XRCC4: variants seen among roughly 807,000 people sequenced by gnomAD.
The protein encoded by XRCC4 is DNA repair protein XRCC4.
A neutral mutation model predicts 39.1 loss-of-function variants in XRCC4; 28 were observed. The observed-to-expected ratio is 0.72, with a 90% CI of 0.53 to 0.98. XRCC4 has a LOEUF of 0.98. Among genes scored for constraint, XRCC4 ranks in the 50% least tolerant of loss-of-function variants. XRCC4 has a pLI of 0.00. For missense variants in XRCC4, 350 were observed against 376.4 expected (o/e 0.93, Z 0.58); for synonymous variants, 123 against 126.4 (o/e 0.97, Z 0.18).
chr5:83,086,053 A>G (rs949392977), intron 1 of XRCC4, among the ~76,000 whole-genome samples: 1 of 152,254 alleles, frequency 6.6e-6, no homozygotes, highest in Non-Finnish European at 1.5e-5. Context: ...TCTTAAGAAC[A>G]TAAAACATGG....
intron 3 of XRCC4, among the ~76,000 whole-genome samples, chr5:83,113,816 C>T (rs1001875232): frequency 2.2e-4 from 33 of 152,004 alleles, no homozygotes; most frequent in African/African-American, 7.2e-4. Flanking sequence ...TTAGTAGAGA[C>T]GGGGTTTCAC....
the XRCC4 span, among the ~76,000 whole-genome samples, chr5:83,373,608 C>T: frequency 9.2e-4 from 140 of 152,294 alleles, 1 homozygote; most frequent in Middle Eastern, 3.4e-3. Context: ...GAGAAATTGA[C>T]TTCTTTATGA....
At chr5:83,337,109 A>G (rs927479668) in intron 7 of XRCC4, among the ~76,000 whole-genome samples, 2 of 152,194 alleles carry the variant, frequency 1.3e-5, no homozygotes, top group Non-Finnish European at 2.9e-5. Flanking sequence ...GAAACTTGCT[A>G]TAGCTTTTTT....
At chr5:83,118,309 T>C (rs1352218770) in intron 3 of XRCC4, among the ~76,000 whole-genome samples, 2 of 152,058 alleles carry the variant, frequency 1.3e-5, no homozygotes, top group Non-Finnish European at 2.9e-5. Flanking sequence ...CTTTTTTTTT[T>C]TTCTTTAATT....
intron 3 of XRCC4, among the ~76,000 whole-genome samples, chr5:83,182,136 G>A (rs10078661): frequency 0.33 from 50,229 of 151,936 alleles, 9,109 homozygotes; most frequent in Non-Finnish European, 0.41. Flanking sequence ...AAAACCAGGT[G>A]ATATTAATGA....
intron 3 of XRCC4, among the ~76,000 whole-genome samples, chr5:83,185,685 A>T (rs1180052371): frequency 1.3e-5 from 2 of 152,016 alleles, no homozygotes. Flanking sequence ...TGGTAAATGG[A>T]TAGAAACTAA....
intron 7 of XRCC4, among the ~76,000 whole-genome samples, chr5:83,335,784 CTAAG>C (rs1414547273): frequency 6.6e-6 from 1 of 151,984 alleles, no homozygotes; most frequent in African/African-American, 2.4e-5. Flanking sequence ...ATATCATAGA[CTAAG>C]TAGTCTTTAT....
intron 1 of XRCC4, chr5:83,078,008 T>C (rs1471541363): frequency 6.6e-6 from 1 of 152,276 alleles, no homozygotes; most frequent in Admixed American, 6.5e-5. Flanking sequence ...TCCCCAGATA[T>C]TGGTAAACTG....
At chr5:83,117,675 A>G (rs1027120845) in intron 3 of XRCC4, among the ~76,000 whole-genome samples, 34 of 130,916 alleles carry the variant, frequency 2.6e-4, no homozygotes, top group Non-Finnish European at 4.6e-4. Flanking sequence ...GTGTGTGTGT[A>G]TGTATGTATA....
intron 7 of XRCC4, among the ~76,000 whole-genome samples, chr5:83,338,220 A>G (rs1052850814): frequency 1.3e-5 from 2 of 152,234 alleles, no homozygotes; most frequent in Non-Finnish European, 1.5e-5. Context: ...GTAATAATCA[A>G]TTTGCCTTGT....
chr5:83,095,040 CCTTTTCCAG>C (rs1162472429), intron 1 of XRCC4, among the ~76,000 whole-genome samples: 1 of 152,112 alleles, frequency 6.6e-6, no homozygotes, highest in African/African-American at 2.4e-5. Context: ...GAGACAACCA[CCTTTTCCAG>C]CTTTTACAGG....
chr5:83,088,905 C>A (rs1377049011), intron 1 of XRCC4, among the ~76,000 whole-genome samples: 4 of 152,246 alleles, frequency 2.6e-5, no homozygotes, highest in African/African-American at 7.2e-5. Context: ...ATTTCAGAAT[C>A]CTTTGAAGAA....
At chr5:83,181,913 T>A (rs1324950571) in intron 3 of XRCC4, among the ~76,000 whole-genome samples, 3 of 152,182 alleles carry the variant, frequency 2.0e-5, no homozygotes, top group Admixed American at 2.0e-4. Context: ...GTGGGGTTGC[T>A]GCCTATCGAT....
chr5:83,179,872 T>C (rs1467640302), intron 3 of XRCC4, among the ~76,000 whole-genome samples: 2 of 152,136 alleles, frequency 1.3e-5, no homozygotes, highest in East Asian at 3.9e-4. Flanking sequence ...TAATAGAATA[T>C]AGATAAGAGT....
chr5:83,133,471 G>C (rs6452522), intron 3 of XRCC4, among the ~76,000 whole-genome samples: 3 of 152,000 alleles, frequency 2.0e-5, no homozygotes, highest in Non-Finnish European at 2.9e-5. Flanking sequence ...TGTTTAGCTA[G>C]GCCCTGCCCC....
chr5:83,187,076 C>T lies in XRCC4; in HGVS notation c.316-8694C>T, dbSNP rs1212275613. ...CTCCTGCCTCAGCCTCCCGAGTAGCCGGGACCACAGGCGCCCGCCACCACG... is the reference window on the plus strand; with the variant it reads ...CTCCTGCCTCAGCCTCCCGAGTAGCTGGGACCACAGGCGCCCGCCACCACG... On this transcript the variant is annotated intron_variant, in intron 3 of 7. Coordinates refer to ENST00000396027, the MANE Select transcript of XRCC4 (RefSeq NM_003401.5). 5.7e-5 allele frequency among the ~76,000 whole-genome samples: 6 copies of T among 105,640 alleles called. 2 individuals carry two copies. The highest frequency in any genetic ancestry group is 1.7e-4 in the Admixed American group (2 of 12,052). The allele number at this position is 105,640 out of a possible 152,430, so 69.3% of individuals were successfully genotyped here. A position where few individuals can be genotyped will look rare whatever the true frequency, so the allele number is the denominator to read the frequency against.
At chr5:83,323,456 C>T (rs1756142458) in intron 7 of XRCC4, among the ~76,000 whole-genome samples, 2 of 151,920 alleles carry the variant, frequency 1.3e-5, no homozygotes, top group African/African-American at 4.8e-5. Flanking sequence ...GTTAATTAAA[C>T]CATATCAACA....
chr5:83,291,922 T>C (rs1754932334), intron 7 of XRCC4, among the ~76,000 whole-genome samples: 1 of 149,690 alleles, frequency 6.7e-6, no homozygotes, highest in Non-Finnish European at 1.5e-5. Flanking sequence ...TATATTTATA[T>C]AAATACTATA....
At chr5:83,361,474 G>T in the XRCC4 span, among the ~76,000 whole-genome samples, 8 of 152,116 alleles carry the variant, frequency 5.3e-5, no homozygotes, top group African/African-American at 1.9e-4. Context: ...AGCCATCATG[G>T]AACTTATCTC....
Sources: gnomAD v4.1 joint callset for allele counts (sites outside exome capture counted in the v4.1 genomes callset) on GRCh38, gnomAD v4.1.1 for gene constraint, MANE v1.5 for transcripts, NCBI Gene and HGNC (gene_info 2026-07-23, HGNC 2026-07-21) for gene names.